RBMS1: variants seen among roughly 807,000 people sequenced by gnomAD.
RBMS1 encodes the protein RNA binding motif single stranded interacting protein 1.
Under a neutral mutation model 62.3 loss-of-function variants are expected in RBMS1, and 17 were observed. The observed-to-expected ratio is 0.27, with a 90% CI of 0.19 to 0.41. The LOEUF (loss-of-function observed/expected upper bound fraction) is 0.41, where lower values mean the gene tolerates loss of function less well. Ranked by LOEUF, RBMS1 falls within the 10% of genes least tolerant of loss-of-function variation. RBMS1 has a pLI of 1.00. For missense variants in RBMS1, 334 were observed against 504.5 expected, an observed-to-expected ratio of 0.66 and a Z score of 3.24; for synonymous variants, 172 against 170.0, an observed-to-expected ratio of 1.01 and a Z score of -0.09.
chr2:160,450,563 T>TAAAAAAAAA (rs71006605), intron 1 of RBMS1, among the ~76,000 whole-genome samples: 2 of 122,386 alleles, frequency 1.6e-5, no homozygotes, highest in Non-Finnish European at 3.3e-5. Flanking sequence ...AAATAAAAAA[T>TAAAAAAAAA]GAAAAAAAAA....
rs185386992 is a variant in RBMS1 at position 160,431,065 on chromosome 2, G to A, written c.75+62224C>T. ...CCCACTGATAGCTAAGTGTTCTTGC[G>A]GGGAGTTGTGTGTGGCAGGAGGAAT... On this transcript the variant is annotated intron_variant, in intron 1 of 13. Transcript: ENST00000348849. 3.3e-4 allele frequency among the ~76,000 whole-genome samples: 50 copies of A among 149,612 alleles called. No homozygotes were observed. In the East Asian group the frequency reaches 8.6e-3, roughly 26 times the overall value.
intron 2 of RBMS1, among the ~76,000 whole-genome samples, chr2:160,358,502 A>G (rs746973364): frequency 5.3e-5 from 8 of 152,162 alleles, no homozygotes; most frequent in Non-Finnish European, 8.8e-5. Flanking sequence ...AAATACTGTT[A>G]TTAATATTTT....
At chr2:160,420,236 T>C (rs1696368771) in intron 1 of RBMS1, among the ~76,000 whole-genome samples, 1 of 152,144 alleles carries the variant, frequency 6.6e-6, no homozygotes, top group African/African-American at 2.4e-5. Context: ...CTTGTCCCTT[T>C]ACCTCTATTT....
intron 1 of RBMS1, 71 bp from the exon 2 acceptor site, chr2:160,367,462 C>T: frequency 6.3e-7 from 1 of 1,579,430 alleles, no homozygotes; most frequent in Non-Finnish European, 8.6e-7. Context: ...ATGAAGTTAC[C>T]AAGATTTAAA....
At chr2:160,455,128 A>G (rs1684164369) in intron 1 of RBMS1, among the ~76,000 whole-genome samples, 1 of 152,248 alleles carries the variant, frequency 6.6e-6, no homozygotes, top group Non-Finnish European at 1.5e-5. Flanking sequence ...CATTCCAAAA[A>G]GTTTAAAGCC....
chr2:160,277,380 T>C lies in RBMS1; in HGVS notation c.1066A>G (p.Met356Val), dbSNP rs771839899. ...CCTTGCATAGCTGACGTTGCAGGCA[T>C]GTACTAGAAAGAAGAATGAGGTCAG... ...HLSLGSTGTY[M>V]PATSAMQGAY... Residue 356 changes from methionine to valine, a missense_variant, in exon 12 of 14, where the codon ATG (methionine) becomes GTG (valine). By Grantham distance (21) the Met-to-Val change is conservative. This residue lies in a region of RBMS1 where 182 missense variants were observed against 257.7 expected (regional missense o/e 0.71). Coordinates refer to ENST00000348849, the MANE Select transcript of RBMS1 (RefSeq NM_016836.4). 8 of 1,611,486 alleles carry C rather than the reference T, an allele frequency of 5.0e-6. No individual in the cohort carries two copies. Among genetic ancestry groups the C allele is most frequent in the East Asian group, 2.2e-5 (1 of 44,854 alleles).
intron 6 of RBMS1, among the ~76,000 whole-genome samples, chr2:160,297,904 T>C (rs542216433): frequency 6.6e-6 from 1 of 152,330 alleles, no homozygotes; most frequent in East Asian, 1.9e-4. Context: ...TGGCTTTCCA[T>C]GCCATTCCAG....
At chr2:160,412,423 C>T (rs1696070356) in intron 1 of RBMS1, among the ~76,000 whole-genome samples, 1 of 152,096 alleles carries the variant, frequency 6.6e-6, no homozygotes, top group African/African-American at 2.4e-5. Flanking sequence ...GTGACCTATC[C>T]ACAAAGCTAG....
intron 1 of RBMS1, among the ~76,000 whole-genome samples, chr2:160,492,509 T>C (rs112232577): frequency 0.014 from 2,080 of 152,326 alleles, 20 homozygotes; most frequent in Non-Finnish European, 0.023. Flanking sequence ...GTGGCAAACA[T>C]ATAAGCTAGT....
chr2:160,321,630 C>T (rs1690565898), intron 2 of RBMS1, among the ~76,000 whole-genome samples: 1 of 152,116 alleles, frequency 6.6e-6, no homozygotes, highest in South Asian at 2.1e-4. Context: ...TTCTAAATCT[C>T]ATCTTCAATA....
intron 6 of RBMS1, among the ~76,000 whole-genome samples, chr2:160,287,551 T>A (rs554272681): frequency 4.1e-4 from 62 of 152,378 alleles, no homozygotes; most frequent in Non-Finnish European, 6.8e-4. Context: ...CTCGCACATA[T>A]ATTTTTATTC....
intron 1 of RBMS1, among the ~76,000 whole-genome samples, chr2:160,429,832 C>A (rs1485997791): frequency 6.6e-6 from 1 of 152,242 alleles, no homozygotes; most frequent in Admixed American, 6.5e-5. Context: ...TGATTCTCTC[C>A]TCCAAAGTCC....
At chr2:160,382,172 G>T (rs1181611092) in intron 1 of RBMS1, among the ~76,000 whole-genome samples, 1 of 152,198 alleles carries the variant, frequency 6.6e-6, no homozygotes, top group African/African-American at 2.4e-5. Context: ...GTTATATGTT[G>T]AACACCTCCA....
rs191686741 is a variant in RBMS1, at chr2:160,436,712, T to G, written c.75+56577A>C. On this transcript the variant is annotated intron_variant, in intron 1 of 13. Transcript: ENST00000348849. ...TTCAGCTGTCCATTTTCACTCAAGT[T>G]TAAATATGGCTGAACACAAATATTT... Among the ~76,000 whole-genome samples, 4 of 152,352 alleles carry G rather than the reference T, an allele frequency of 2.6e-5. 1 individual carries two copies. The highest frequency in any genetic ancestry group is 2.0e-4 in the Admixed American group (3 of 15,300).
At chr2:160,358,236 T>C (rs1384182664) in intron 2 of RBMS1, among the ~76,000 whole-genome samples, 2 of 152,142 alleles carry the variant, frequency 1.3e-5, no homozygotes, top group Non-Finnish European at 2.9e-5. Flanking sequence ...ATGCATCATG[T>C]GTTAAACTCT....
intron 4 of RBMS1, among the ~76,000 whole-genome samples, chr2:160,307,413 T>C (rs1393677518): frequency 1.5e-5 from 2 of 131,586 alleles, no homozygotes; most frequent in Admixed American, 7.6e-5. Flanking sequence ...AAAAAACATA[T>C]GAGGATTTGC....
intron 4 of RBMS1, among the ~76,000 whole-genome samples, chr2:160,310,948 CT>C (rs902825694): frequency 4.6e-5 from 7 of 151,928 alleles, no homozygotes; most frequent in Non-Finnish European, 1.0e-4. Flanking sequence ...AATCCCAGCA[CT>C]TTGAGAGGCT....
Position 160,272,353 on chromosome 2 carries a change from T to G in RBMS1, c.*2419A>C, listed in dbSNP as rs1465010600. The G allele has an allele frequency of 2.0e-5, 3 of 152,144 alleles. No individual in the cohort carries two copies. The highest frequency in any genetic ancestry group is 2.9e-5 in the Non-Finnish European group (2 of 68,016). 9.4% of individuals were successfully genotyped at this position (152,144 alleles called of 1,614,324 possible). Reference sequence around the variant, plus strand: ...GCACTAGTAAAACAAAAATAAAAAATTAACTCTCTTGATCATATAGATATC... The same window carrying G: ...GCACTAGTAAAACAAAAATAAAAAAGTAACTCTCTTGATCATATAGATATC... On this transcript the variant is annotated 3_prime_UTR_variant, in exon 14 of 14. Coordinates refer to ENST00000348849, the MANE Select transcript of RBMS1 (RefSeq NM_016836.4).
intron 1 of RBMS1, among the ~76,000 whole-genome samples, chr2:160,382,363 T>C (rs1481492344): frequency 6.6e-6 from 1 of 152,166 alleles, no homozygotes; most frequent in Non-Finnish European, 1.5e-5. Flanking sequence ...TCCAGAACAA[T>C]TTCCCAACTC....
Sources: gnomAD v4.1 joint callset for allele counts (sites outside exome capture counted in the v4.1 genomes callset) on GRCh38, gnomAD v4.1.1 for gene constraint, gnomAD v4.1.1 regional missense constraint, MANE v1.5 for transcripts, NCBI Gene and HGNC (gene_info 2026-07-23, HGNC 2026-07-21) for gene names.